CACNB2: variants seen among roughly 807,000 people sequenced by gnomAD.
CACNB2 encodes the protein calcium voltage-gated channel auxiliary subunit beta 2.
A neutral mutation model predicts 73.3 loss-of-function variants in CACNB2; 42 were observed. That is an observed-to-expected ratio of 0.57 (90% confidence interval 0.45 to 0.74). CACNB2 has a LOEUF of 0.74. CACNB2 is among the 30% of genes least tolerant of loss of function. The pLI is 0.00. For synonymous variants in CACNB2, 348 were observed against 310.3 expected, an observed-to-expected ratio of 1.12 and a Z score of -1.28; for missense variants, 940 against 853.0, an observed-to-expected ratio of 1.10 and a Z score of -1.27.
At chr10:18,474,807 G>T (rs1308032873) in intron 3 of CACNB2, among the ~76,000 whole-genome samples, 3 of 151,968 alleles carry the variant, frequency 2.0e-5, no homozygotes, top group Non-Finnish European at 4.4e-5. Flanking sequence ...CCAGTTCTCT[G>T]CAGATGCTAA....
chr10:18,395,869 A>G (rs955287240), intron 2 of CACNB2, among the ~76,000 whole-genome samples: 2 of 152,122 alleles, frequency 1.3e-5, no homozygotes, highest in Non-Finnish European at 2.9e-5. Flanking sequence ...AAGGTATACA[A>G]TGTTTATGCA....
At chr10:18,261,514 T>C (rs1195210056) in intron 2 of CACNB2, among the ~76,000 whole-genome samples, 1 of 152,186 alleles carries the variant, frequency 6.6e-6, no homozygotes, top group Non-Finnish European at 1.5e-5. Flanking sequence ...CAGAGATGTT[T>C]TTATCTGTCT....
intron 2 of CACNB2, among the ~76,000 whole-genome samples, chr10:18,192,268 G>GTTTATTCATTCATTCATTCA (rs113660496): frequency 3.3e-5 from 5 of 151,390 alleles, no homozygotes; most frequent in African/African-American, 1.2e-4. Context: ...TCAGACTTAC[G>GTTTATTCATTCATTCATTCA]TTCATTCATT....
intron 2 of CACNB2, among the ~76,000 whole-genome samples, chr10:18,272,437 T>A (rs1350015047): frequency 6.6e-6 from 1 of 152,168 alleles, no homozygotes; most frequent in Non-Finnish European, 1.5e-5. Flanking sequence ...TATAATTCGG[T>A]GGTACATACT....
intron 2 of CACNB2, among the ~76,000 whole-genome samples, chr10:18,302,766 G>A (rs1463995652): frequency 1.3e-5 from 2 of 152,142 alleles, no homozygotes; most frequent in Admixed American, 6.6e-5. Flanking sequence ...TACTGCTCAG[G>A]TGATGCGTGC....
chr10:18,236,062 G>A (rs1588794750), intron 2 of CACNB2, among the ~76,000 whole-genome samples: 1 of 152,044 alleles, frequency 6.6e-6, no homozygotes, highest in East Asian at 1.9e-4. Context: ...ATTCATCCAT[G>A]TTTCCTGTAC....
At chr10:18,479,700 G>T (rs35993778) in intron 3 of CACNB2, among the ~76,000 whole-genome samples, 18,557 of 58,036 alleles carry the variant, frequency 0.32, 1,271 homozygotes, top group South Asian at 0.45. Flanking sequence ...TCTCTCTCTC[G>T]CTCGCTCGCT....
At chr10:18,432,875 G>C (rs1002168763) in intron 3 of CACNB2, among the ~76,000 whole-genome samples, 6 of 150,990 alleles carry the variant, frequency 4.0e-5, no homozygotes, top group Non-Finnish European at 7.4e-5. Context: ...AAAAACTGTA[G>C]TAAAAAGAAA....
intron 2 of CACNB2, chr10:18,261,943 A>G (rs1441913010): frequency 5.8e-6 from 3 of 518,822 alleles, no homozygotes; most frequent in Admixed American, 1.9e-5. Context: ...ACTACTTAAC[A>G]TGATTGGATG....
chr10:18,500,868 A>T lies in CACNB2; in HGVS notation c.513A>T (p.Gly171=), dbSNP rs1296558625. The stretch of plus-strand genomic sequence containing the variant: ...TGGTAAAAGAAGGCTGTGAAATCGG[A>T]TTCATTCCAAGCCCAGTCAAACTAG... ...GRLVKEGCEI[G]FIPSPVKLEN... is the part of the protein sequence containing the mutation. Residue 171 remains glycine (G), a synonymous_variant, in exon 5 of 14, where the codon GGA becomes GGT. Coordinates refer to ENST00000324631, the MANE Select transcript of CACNB2 (RefSeq NM_201596.3). The T allele has an allele frequency of 1.2e-6, 2 of 1,613,910 alleles. No individual in the cohort carries two copies. Among genetic ancestry groups the T allele is most frequent in the African/African-American group, 2.7e-5 (2 of 74,932 alleles).
intron 3 of CACNB2, among the ~76,000 whole-genome samples, chr10:18,406,931 A>C (rs2044320237): frequency 6.6e-6 from 1 of 152,124 alleles, no homozygotes; most frequent in Non-Finnish European, 1.5e-5. Context: ...CAGTGTACGT[A>C]AAGGCTGTGC....
At chr10:18,201,939 C>T (rs969498454) in intron 2 of CACNB2, among the ~76,000 whole-genome samples, 3 of 152,226 alleles carry the variant, frequency 2.0e-5, no homozygotes, top group Non-Finnish European at 4.4e-5. Context: ...TCTCTACCTT[C>T]TCATCTGCTT....
chr10:18,470,550 A>G (rs953404836), intron 3 of CACNB2, among the ~76,000 whole-genome samples: 1 of 151,582 alleles, frequency 6.6e-6, no homozygotes, highest in African/African-American at 2.4e-5. Context: ...GTTATTCTGT[A>G]TATATTATAT....
intron 2 of CACNB2, among the ~76,000 whole-genome samples, chr10:18,309,001 T>G (rs2039853652): frequency 6.6e-6 from 1 of 152,066 alleles, no homozygotes; most frequent in African/African-American, 2.4e-5. Context: ...CAATTGCCCT[T>G]AAAATAGAAA....
chr10:18,271,287 A>C (rs760214117), intron 2 of CACNB2, among the ~76,000 whole-genome samples: 1 of 152,226 alleles, frequency 6.6e-6, no homozygotes, highest in Non-Finnish European at 1.5e-5. Context: ...TTTTAAGAAT[A>C]TAAAGCAAGA....
rs751930257 is a variant in CACNB2 at position 18,214,626 on chromosome 10, CAAAAAAAAAAAAAA to C, written c.213+63667_213+63680del. Among the ~76,000 whole-genome samples, 3 of 15,106 alleles carry C rather than the reference CAAAAAAAAAAAAAA, an allele frequency of 2.0e-4. 1 individual carries two copies. The highest frequency in any genetic ancestry group is 3.2e-4 in the African/African-American group (3 of 9,240). 9.9% of individuals were successfully genotyped at this position (15,106 alleles called of 152,430 possible). On this transcript the variant is annotated intron_variant, in intron 2 of 13. Transcript: ENST00000324631. ...TGGGCAATGGAGTGAGACTCCATCTCAAAAAAAAAAAAAAAAAAAAAAAAAAAAATTAACAACTG... is the reference window on the plus strand; with the variant it reads ...TGGGCAATGGAGTGAGACTCCATCTCAAAAAAAAAAAAAAATTAACAACTG...
intron 3 of CACNB2, among the ~76,000 whole-genome samples, chr10:18,417,114 C>CT (rs57071336): frequency 0.026 from 3,898 of 147,332 alleles, 48 homozygotes; most frequent in South Asian, 0.054. Context: ...GAAATAAAAG[C>CT]TTTTTTTTTT....
At chr10:18,489,227 A>G (rs1467738902) in intron 3 of CACNB2, among the ~76,000 whole-genome samples, 3 of 151,880 alleles carry the variant, frequency 2.0e-5, no homozygotes, top group Non-Finnish European at 4.4e-5. Context: ...TCAAGAAACA[A>G]AAAATACAAA....
chr10:18,269,756 C>T (rs914085046), intron 2 of CACNB2, among the ~76,000 whole-genome samples: 1 of 152,192 alleles, frequency 6.6e-6, no homozygotes, highest in Non-Finnish European at 1.5e-5. Context: ...TCCTCCCTCT[C>T]TCTGCTCCTC....
Sources: gnomAD v4.1 joint callset for allele counts (sites outside exome capture counted in the v4.1 genomes callset) on GRCh38, gnomAD v4.1.1 for gene constraint, MANE v1.5 for transcripts, NCBI Gene and HGNC (gene_info 2026-07-23, HGNC 2026-07-21) for gene names.